THOP1: variants seen among roughly 807,000 people sequenced by gnomAD.
The protein encoded by THOP1 is thimet oligopeptidase 1.
THOP1 carries 49 observed loss-of-function variants against 71.8 expected under a neutral mutation model. The ratio of observed to expected loss-of-function variants is 0.68; its 90% confidence interval spans 0.54 to 0.87. The LOEUF (loss-of-function observed/expected upper bound fraction) is 0.87, where lower values mean the gene tolerates loss of function less well. Ranked by LOEUF, THOP1 falls within the 40% of genes least tolerant of loss-of-function variation. The pLI is 0.00. For missense variants in THOP1, 843 were observed against 975.6 expected (o/e 0.86, Z 1.81); for synonymous variants, 426 against 421.5 (o/e 1.01, Z -0.13).
chr19:2,791,979 C>T (rs914590721), intron 2 of THOP1, among the ~76,000 whole-genome samples: 12 of 152,190 alleles, frequency 7.9e-5, no homozygotes, highest in Admixed American at 3.9e-4. Context: ...TCGCGCCCCT[C>T]GCCCTGTGCT....
Position 2,794,896 on chromosome 19 carries a change from G to A in THOP1, c.362G>A (p.Arg121Lys). Reference protein sequence around the residue: ...EMSMREDVYQRIVWLQEKVQK... With the variant: ...EMSMREDVYQKIVWLQEKVQK... ...AGCATGAGGGAGGACGTGTACCAGA[G>A]GATCGTGTGGCTCCAGGTGAGGGGG... Residue 121 changes from arginine (R) to lysine (K), a missense_variant, in exon 3 of 13, where the codon AGG (arginine) becomes AAG (lysine). Physicochemically the swap from Arg to Lys is conservative, Grantham distance 26 (BLOSUM62 2). Coordinates refer to ENST00000307741, the MANE Select transcript of THOP1 (RefSeq NM_003249.5). 6.2e-7 allele frequency: 1 copy of A among 1,612,520 alleles called. No homozygotes were observed. Among genetic ancestry groups the A allele is most frequent in the Non-Finnish European group, 8.5e-7 (1 of 1,178,706 alleles).
chr19:2,812,711 C>G (rs977076796), intron 12 of THOP1, among the ~76,000 whole-genome samples: 1 of 152,220 alleles, frequency 6.6e-6, no homozygotes, highest in African/African-American at 2.4e-5. Context: ...GTCTCATCTG[C>G]CTCACCTGCC....
In THOP1 at chr19:2,785,547, C is replaced by A. The variant is rs1020565594; in HGVS notation, c.-116C>A. The A allele has an allele frequency of 2.4e-6, 3 of 1,263,938 alleles. No homozygotes were observed. The highest frequency in any genetic ancestry group is 3.1e-6 in the Non-Finnish European group (3 of 957,246). The allele number at this position is 1,263,938 out of a possible 1,614,324, so 78.3% of individuals were successfully genotyped here. A position where few individuals can be genotyped will look rare whatever the true frequency, so the allele number is the denominator to read the frequency against. On this transcript the variant is annotated 5_prime_UTR_variant, in exon 1 of 13. Transcript: ENST00000307741. ...GGCGGCGGGCCCCTTGGTCCTCAGG[C>A]GGCCGTGGCGGCGGTGGCGGCGGTT...
rs896846979 is a variant in THOP1 at position 2,811,464 on chromosome 19, T to G, written c.1772-134T>G. On this transcript the variant is annotated intron_variant, in intron 11 of 12. Coordinates refer to ENST00000307741, the MANE Select transcript of THOP1 (RefSeq NM_003249.5). ...TGGTTCTAGAAGTATCCAGCTGGTC[T>G]CGGCCCTCACCGTGATCCTCCAGCT... 13 of 1,243,344 alleles carry G rather than the reference T, an allele frequency of 1.0e-5. No homozygotes were observed. In the African/African-American group the frequency reaches 1.8e-4, roughly 17 times the overall value. The allele number at this position is 1,243,344 out of a possible 1,614,324, so 77.0% of individuals were successfully genotyped here. A position where few individuals can be genotyped will look rare whatever the true frequency, so the allele number is the denominator to read the frequency against.
In THOP1 at chr19:2,806,463, G is replaced by C. The variant is rs531026767; in HGVS notation, c.751-454G>C. ...CCTGAACAGGCCTCTGTTTCTCCTCGTAAACGCCTCACGTGGCTTTCATGC... is the reference window on the plus strand; with the variant it reads ...CCTGAACAGGCCTCTGTTTCTCCTCCTAAACGCCTCACGTGGCTTTCATGC... On this transcript the variant is annotated intron_variant, in intron 6 of 12. Coordinates refer to ENST00000307741, the MANE Select transcript of THOP1 (RefSeq NM_003249.5). 1.5e-5 allele frequency: 3 copies of C among 201,436 alleles called. No homozygotes were observed. In the South Asian group the frequency reaches 2.3e-4, roughly 16 times the overall value. 12.5% of individuals were successfully genotyped at this position (201,436 alleles called of 1,614,324 possible).
chr19:2,803,007 G>A (rs1018342381), intron 5 of THOP1, among the ~76,000 whole-genome samples: 5 of 151,448 alleles, frequency 3.3e-5, no homozygotes, highest in East Asian at 1.9e-4. Flanking sequence ...CCGCAGGCTC[G>A]GCCTCTGAGC....
intron 1 of THOP1, among the ~76,000 whole-genome samples, chr19:2,785,925 C>G (rs1915730113): frequency 6.6e-6 from 1 of 152,206 alleles, no homozygotes; most frequent in African/African-American, 2.4e-5. Context: ...GGCCCCGTGG[C>G]GGACCCTGGG....
intron 12 of THOP1, chr19:2,812,299 G>C: frequency 6.5e-7 from 1 of 1,535,486 alleles, no homozygotes; most frequent in Non-Finnish European, 8.7e-7. Flanking sequence ...TCCCTCACAA[G>C]GAACAGGTGG....
At chr19:2,809,768 C>T (rs1051108106) in intron 9 of THOP1, 35 of 155,026 alleles carry the variant, frequency 2.3e-4, no homozygotes, top group Middle Eastern at 3.4e-3. Flanking sequence ...TGGTGCATTC[C>T]GTCGGGACAA....
chr19:2,805,291 C>CCCTGGCCACTGGG lies in THOP1; in HGVS notation c.750+123_750+124insCTGGGCCTGGCCA. ...TTGCACTTGGATGGCCTCCCAATCTCCCTGGCCAGGCCCAGTGGCCAGCAG... is the reference window on the plus strand; with the variant it reads ...TTGCACTTGGATGGCCTCCCAATCTCCCTGGCCACTGGGCCTGGCCAGGCCCAGTGGCCAGCAG... On this transcript the variant is annotated intron_variant, in intron 6 of 12. Transcript: ENST00000307741. This position sits in a 1 kb window ranked among gnomAD's most constrained non-coding sequence, Gnocchi z 6.6. 3 of 1,291,268 alleles carry CCCTGGCCACTGGG rather than the reference C, an allele frequency of 2.3e-6. No homozygotes were observed. Among genetic ancestry groups the CCCTGGCCACTGGG allele is most frequent in the Non-Finnish European group, 3.1e-6 (3 of 959,448 alleles). 80.0% of individuals were successfully genotyped at this position (1,291,268 alleles called of 1,614,324 possible).
intron 9 of THOP1, among the ~76,000 whole-genome samples, chr19:2,808,751 G>A (rs891079554): frequency 2.6e-5 from 4 of 152,216 alleles, no homozygotes; most frequent in African/African-American, 4.8e-5. Context: ...GCTTGTGGCC[G>A]CCACCACCTC....
chr19:2,806,787 G>A, intron 6 of THOP1, 130 bp from the exon 7 acceptor site: 1 of 1,504,038 alleles, frequency 6.6e-7, no homozygotes, highest in Non-Finnish European at 9.0e-7. Context: ...AGTAACACAG[G>A]CCGAGAGGGG....
intron 9 of THOP1, chr19:2,809,676 A>G (rs1170349948): frequency 6.5e-6 from 1 of 153,556 alleles, no homozygotes; most frequent in Non-Finnish European, 1.4e-5. Context: ...AGGTGCTCAC[A>G]CAGGTGCCCA....
At chr19:2,798,236 G>A (rs1916064753) in intron 4 of THOP1, among the ~76,000 whole-genome samples, 1 of 152,038 alleles carries the variant, frequency 6.6e-6, no homozygotes, top group Non-Finnish European at 1.5e-5. Context: ...TTACCACATT[G>A]GCCAGGCTGG....
intron 1 of THOP1, among the ~76,000 whole-genome samples, chr19:2,788,837 T>C (rs1915809891): frequency 6.6e-6 from 1 of 152,168 alleles, no homozygotes; most frequent in African/African-American, 2.4e-5. Context: ...CTCAGTTCAC[T>C]GCAACCTCTG....
chr19:2,806,505 A>C, intron 6 of THOP1: 1 of 234,436 alleles, frequency 4.3e-6, no homozygotes. Context: ...CCCCACCCCC[A>C]CTGGCTTGGT....
chr19:2,804,880 C>A lies in THOP1; in HGVS notation c.590-136C>A. The A allele has an allele frequency of 1.2e-6, 1 of 823,592 alleles. No homozygotes were observed. Among genetic ancestry groups the A allele is most frequent in the Non-Finnish European group, 1.8e-6 (1 of 547,654 alleles). The allele number at this position is 823,592 out of a possible 1,614,324, so 51.0% of individuals were successfully genotyped here. On this transcript the variant is annotated intron_variant, in intron 5 of 12. Transcript: ENST00000307741. This position sits in a 1 kb window ranked among gnomAD's most constrained non-coding sequence, Gnocchi z 4.7. ...ATGTAAGAATTGCAGCGGGTGGTGG[C>A]CAGGCTGCAGCTGCTCGCTGAGGGC...
Position 2,811,601 on chromosome 19 carries a change from C to G in THOP1, c.1775C>G (p.Thr592Ser), listed in dbSNP as rs747172157. The G allele has an allele frequency of 2.5e-6, 4 of 1,612,594 alleles. No homozygotes were observed. The South Asian group carries it at 4.4e-5, about 18-fold the overall frequency. The change falls in exon 12 of 13, where the codon ACC becomes AGC. Residue 592 changes from threonine (T) to serine (S), a missense_variant. Physicochemically the swap from Thr to Ser is moderately conservative, Grantham distance 58 (BLOSUM62 1). Transcript: ENST00000307741. ...CCCTGCCATGTGTCCGCCCCAGGAA[C>G]CAACATGCCTGCAACCTTCGGCCAT... ...EILGVPATPG[T>S]NMPATFGHLA... is the part of the protein sequence containing the mutation.
chr19:2,810,761 C>A lies in THOP1; in HGVS notation c.1764C>A (p.Ala588=), dbSNP rs375118397. 150 of 1,602,998 alleles carry A rather than the reference C, an allele frequency of 9.4e-5. No individual in the cohort carries two copies. The highest frequency in any genetic ancestry group is 1.2e-4 in the Non-Finnish European group (136 of 1,177,098). ...RLCQEILGVP[A]TPGTNMPATF... ...GCCAGGAGATCCTCGGGGTCCCGGC[C>A]ACGCCAGGTAGCCACCCTTGAGCCG... is the stretch of plus-strand genomic sequence containing the variant. The change falls in exon 11 of 13, where the codon GCC becomes GCA. Residue 588 remains alanine (A), a synonymous_variant. Coordinates refer to ENST00000307741, the MANE Select transcript of THOP1 (RefSeq NM_003249.5).
Sources: allele counts gnomAD v4.1 joint callset (sites outside exome capture counted in the v4.1 genomes callset), GRCh38; gene constraint gnomAD v4.1.1; non-coding constraint Gnocchi (gnomAD v3.1); transcripts MANE v1.5; gene names NCBI Gene and HGNC (gene_info 2026-07-23, HGNC 2026-07-21).